LARGE1: variants seen among roughly 807,000 people sequenced by gnomAD.
LARGE1 encodes LARGE xylosyl- and glucuronyltransferase 1.
LARGE1 carries 43 observed loss-of-function variants against 87.6 expected under a neutral mutation model. The observed-to-expected ratio is 0.49, with a 90% CI of 0.38 to 0.63. The LOEUF is 0.63. LARGE1 is among the 30% of genes least tolerant of loss of function. LARGE1 has a pLI of 0.00. For synonymous variants in LARGE1, 434 were observed against 394.6 expected (o/e 1.10, Z -1.18); for missense variants, 802 against 1,000.2 (o/e 0.80, Z 2.67).
At position 33,622,692 on chromosome 22, in the gene LARGE1, G is replaced by C. The variant is rs1163856682; in HGVS notation, c.491+3552C>G. ...CTCTCCCCATATATGTAAGCCCCCAGTTAAACCCAACGTCTCATTTGCTGG... is the reference window on the plus strand; with the variant it reads ...CTCTCCCCATATATGTAAGCCCCCACTTAAACCCAACGTCTCATTTGCTGG... On this transcript the variant is annotated intron_variant, in intron 4 of 14. Transcript: ENST00000397394. Among the ~76,000 whole-genome samples the C allele has an allele frequency of 2.0e-5, 3 of 152,166 alleles. No individual in the cohort carries two copies. In the East Asian group the frequency reaches 5.8e-4, roughly 29 times the overall value.
At chr22:33,794,667 C>T (rs887561927) in intron 1 of LARGE1, among the ~76,000 whole-genome samples, 5 of 150,686 alleles carry the variant, frequency 3.3e-5, no homozygotes, top group African/African-American at 1.2e-4. Flanking sequence ...GTCGCCCAGG[C>T]TGGAGCACAG....
the LARGE1 span, among the ~76,000 whole-genome samples, chr22:33,096,415 C>CAA: frequency 2.2e-3 from 138 of 62,904 alleles, 1 homozygote; most frequent in African/African-American, 6.7e-3. Context: ...AACTCCATCT[C>CAA]AAAAAAAAAA....
chr22:33,191,145 T>C (rs1602068223), intron 11 of LARGE1, among the ~76,000 whole-genome samples: 1 of 152,228 alleles, frequency 6.6e-6, no homozygotes, highest in Non-Finnish European at 1.5e-5. Flanking sequence ...AATACATTCA[T>C]AAGATGTTTT....
At position 33,288,961 on chromosome 22, in the gene LARGE1, A is replaced by ATTG. The variant is rs1301244615; in HGVS notation, c.1731-5614_1731-5613insCAA. Among the ~76,000 whole-genome samples the ATTG allele has an allele frequency of 5.3e-5, 8 of 151,834 alleles. No homozygotes were observed. The East Asian group carries it at 1.6e-3, about 30-fold the overall frequency. ...ATTGGATCAAGGAATTATTATTATT[A>ATTG]TTATTATTATTATTTTAGACAGAGT... On this transcript the variant is annotated intron_variant, in intron 12 of 14. Coordinates refer to ENST00000397394, the MANE Select transcript of LARGE1 (RefSeq NM_133642.5).
At chr22:33,339,866 A>T (rs1441812945) in intron 9 of LARGE1, among the ~76,000 whole-genome samples, 1 of 151,950 alleles carries the variant, frequency 6.6e-6, no homozygotes, top group Non-Finnish European at 1.5e-5. Flanking sequence ...GGGTTTTGCC[A>T]TGTTGCCCAG....
rs374388675 is a variant in LARGE1, at chr22:33,304,562, G to A, written c.1452-55C>T. On this transcript the variant is annotated intron_variant, in intron 11 of 14. Transcript: ENST00000397394. Reference sequence around the variant, plus strand: ...GACCTGGGCCATCCATGCATCATCCGCCGGGCCTGTTGTGGGGCTCTGCCT... The same window carrying A: ...GACCTGGGCCATCCATGCATCATCCACCGGGCCTGTTGTGGGGCTCTGCCT... The A allele has an allele frequency of 3.5e-5, 52 of 1,499,830 alleles. No homozygotes were observed. In the African/African-American group the frequency reaches 4.2e-4, roughly 12 times the overall value. The allele number at this position is 1,499,830 out of a possible 1,614,324, so 92.9% of individuals were successfully genotyped here.
rs1175266567 is a variant in LARGE1 at position 33,215,026 on chromosome 22, G to A, written c.1731-48194C>T. ...CCTACTCTGGGCCTACAATGGGAGG[G>A]GGAGCCTCAAAAATCTCTGATATAC... On this transcript the variant is annotated intron_variant, in intron 11 of 11. Coordinates refer to the LARGE1 transcript ENST00000608642. Among the ~76,000 whole-genome samples the A allele has an allele frequency of 2.6e-5, 4 of 152,082 alleles. No homozygotes were observed. In the East Asian group the frequency reaches 7.7e-4, roughly 29 times the overall value.
intron 5 of LARGE1, among the ~76,000 whole-genome samples, chr22:33,570,765 C>T (rs759011855): frequency 9.9e-5 from 15 of 151,724 alleles, no homozygotes; most frequent in East Asian, 3.9e-4. Flanking sequence ...AGGAAAAGTG[C>T]GTGGGAGTGA....
At chr22:33,206,149 G>A (rs1463824063) in intron 11 of LARGE1, among the ~76,000 whole-genome samples, 1 of 151,954 alleles carries the variant, frequency 6.6e-6, no homozygotes, top group Non-Finnish European at 1.5e-5. Context: ...GTAGAGACGG[G>A]GTTTCACTGC....
intron 6 of LARGE1, among the ~76,000 whole-genome samples, chr22:33,534,180 G>A (rs544408665): frequency 2.0e-5 from 3 of 152,078 alleles, no homozygotes; most frequent in South Asian, 4.1e-4. Flanking sequence ...CGAGGCAGGC[G>A]GATCACGAGG....
intron 9 of LARGE1, among the ~76,000 whole-genome samples, chr22:33,348,664 C>T (rs1276078886): frequency 1.3e-5 from 2 of 151,908 alleles, no homozygotes; most frequent in Non-Finnish European, 2.9e-5. Flanking sequence ...ATCGTCCAAT[C>T]CATTGAGGCC....
intron 3 of LARGE1, among the ~76,000 whole-genome samples, chr22:33,628,044 T>C (rs1261997373): frequency 6.6e-6 from 1 of 151,920 alleles, no homozygotes; most frequent in African/African-American, 2.4e-5. Context: ...AAAATGCAAA[T>C]CCCCAACCCA....
intron 2 of LARGE1, among the ~76,000 whole-genome samples, chr22:33,704,221 T>C (rs1468807843): frequency 1.3e-5 from 2 of 152,210 alleles, no homozygotes; most frequent in Non-Finnish European, 2.9e-5. Flanking sequence ...GAAGGCTATT[T>C]TATGCCTCCA....
intron 2 of LARGE1, among the ~76,000 whole-genome samples, chr22:33,743,852 A>G (rs867168691): frequency 2.0e-5 from 3 of 152,178 alleles, no homozygotes; most frequent in African/African-American, 7.2e-5. Flanking sequence ...CTGGGTTTTA[A>G]TTTTCTCTAA....
chr22:33,086,335 T>C, the LARGE1 span, among the ~76,000 whole-genome samples: 3 of 152,214 alleles, frequency 2.0e-5, no homozygotes, highest in Admixed American at 6.5e-5. Context: ...TTTTAGGTCA[T>C]GGGTTGATAA....
chr22:33,387,658 T>C lies in LARGE1; in HGVS notation c.893-3354A>G, dbSNP rs78007258. On this transcript the variant is annotated intron_variant, in intron 7 of 14. Transcript: ENST00000397394. ...GCTGAGAACTGATGCTTTTAAATGG[T>C]GTGAGACTTGGCAGATGTGATTTGC... Among the ~76,000 whole-genome samples, 272 of 152,206 alleles carry C rather than the reference T, an allele frequency of 1.8e-3. 1 individual carries two copies. The highest frequency in any genetic ancestry group is 6.3e-3 in the African/African-American group (262 of 41,526).
At chr22:33,688,018 G>A (rs1334685150) in intron 2 of LARGE1, among the ~76,000 whole-genome samples, 1 of 152,108 alleles carries the variant, frequency 6.6e-6, no homozygotes, top group Non-Finnish European at 1.5e-5. Flanking sequence ...GAAAGTCAAG[G>A]CTCAAAGAGG....
At chr22:33,310,563 C>T (rs111875911) in intron 11 of LARGE1, among the ~76,000 whole-genome samples, 9 of 152,198 alleles carry the variant, frequency 5.9e-5, no homozygotes, top group South Asian at 2.1e-4. Context: ...GTGCGAAGGC[C>T]GGCTCTCCTA....
intron 11 of LARGE1, among the ~76,000 whole-genome samples, chr22:33,257,272 C>A (rs1419382552): frequency 6.6e-6 from 1 of 152,108 alleles, no homozygotes; most frequent in Non-Finnish European, 1.5e-5. Context: ...GTGGCTCATG[C>A]CTGTAATCCC....
Sources: gnomAD v4.1 joint callset for allele counts (sites outside exome capture counted in the v4.1 genomes callset) on GRCh38, gnomAD v4.1.1 for gene constraint, MANE v1.5 for transcripts, NCBI Gene and HGNC (gene_info 2026-07-23, HGNC 2026-07-21) for gene names.